The following ENO4 variants were observed in gnomAD, a reference collection of about 807,000 sequenced individuals.
ENO4 encodes 2-phospho-D-glycerate hydro-lyase.
ENO4 carries 53 observed loss-of-function variants against 63.2 expected under a neutral mutation model. The observed-to-expected ratio is 0.84, with a 90% CI of 0.67 to 1.05. The LOEUF (loss-of-function observed/expected upper bound fraction) is 1.05. ENO4 is among the 50% of genes least tolerant of loss of function. The pLI is 0.00. For synonymous variants in ENO4, 266 were observed against 283.8 expected, an observed-to-expected ratio of 0.94 and a Z score of 0.63; for missense variants, 719 against 772.0, an observed-to-expected ratio of 0.93 and a Z score of 0.81.
At chr10:116,886,594 A>T, downstream of ENO4, 2 of 1,610,298 alleles carry the variant, frequency 1.2e-6, no homozygotes, top group Non-Finnish European at 1.7e-6. Flanking sequence ...AGACAAAAAA[A>T]GTAAAAAGCA....
At chr10:116,901,286 T>G in intron 10 of ENO4, 1 of 985,356 alleles carries the variant, frequency 1.0e-6, no homozygotes, top group Non-Finnish European at 1.2e-6. Context: ...CAGATAACTC[T>G]TTACATAGTA....
chr10:116,894,657 T>C (rs1405983163), intron 10 of ENO4, among the ~76,000 whole-genome samples: 3 of 152,198 alleles, frequency 2.0e-5, no homozygotes, highest in Non-Finnish European at 4.4e-5. Flanking sequence ...TTCTCCCTTT[T>C]GAAGTAAGGT....
intron 11 of ENO4, among the ~76,000 whole-genome samples, chr10:116,878,920 T>C (rs1021283399): frequency 1.3e-5 from 2 of 151,962 alleles, no homozygotes; most frequent in African/African-American, 4.8e-5. Flanking sequence ...ATTTTTTGTA[T>C]TTTTAGTAGA....
intron 10 of ENO4, chr10:116,906,594 G>A: frequency 6.3e-7 from 1 of 1,580,842 alleles, no homozygotes; most frequent in South Asian, 1.2e-5. Context: ...CAGAGATGAA[G>A]AGAAGGACTG....
chr10:116,896,973 A>C (rs1847545182), intron 10 of ENO4, among the ~76,000 whole-genome samples: 1 of 151,840 alleles, frequency 6.6e-6, no homozygotes, highest in Non-Finnish European at 1.5e-5. Context: ...CACCCAACTA[A>C]TTTTTGTATT....
intron 6 of ENO4, 61 bp from the exon 7 acceptor site, chr10:116,862,738 G>A (rs1846448569): frequency 1.5e-6 from 2 of 1,307,806 alleles, no homozygotes; most frequent in Admixed American, 2.0e-5. Flanking sequence ...CGTGTTATAA[G>A]TTTTTATACT....
chr10:116,909,387 A>G (rs1848101430), intron 10 of ENO4, among the ~76,000 whole-genome samples: 1 of 152,178 alleles, frequency 6.6e-6, no homozygotes. Context: ...CCATAATACA[A>G]TTTTTTAAAA....
At chr10:116,884,375 T>C (rs1422836221), downstream of ENO4, 7 of 411,042 alleles carry the variant, frequency 1.7e-5, no homozygotes, top group Non-Finnish European at 3.5e-5. Context: ...CAAATTAATT[T>C]AAAATGCTTT....
chr10:116,901,725 T>C, intron 10 of ENO4: 1 of 1,480,262 alleles, frequency 6.8e-7, no homozygotes, highest in South Asian at 1.4e-5. Flanking sequence ...TCATTACAGA[T>C]TCTTCTATAC....
chr10:116,849,807 C>T (rs1846011286), intron 1 of ENO4, 76 bp downstream of exon 1: 3 of 1,411,242 alleles, frequency 2.1e-6, no homozygotes, highest in East Asian at 5.1e-5. Context: ...CGCCTTGCGC[C>T]TGCGCCTGCG....
At chr10:116,900,340 C>T (rs1847687311) in intron 10 of ENO4, 1 of 582,064 alleles carries the variant, frequency 1.7e-6, no homozygotes, top group Admixed American at 3.0e-5. Flanking sequence ...AATTGAGCTT[C>T]ACATCTGCCT....
downstream of ENO4, chr10:116,884,799 T>A (rs1047930561): frequency 1.9e-5 from 3 of 156,368 alleles, no homozygotes; most frequent in Admixed American, 1.8e-4. Flanking sequence ...TGACCCTTAA[T>A]GGGAAACTAT....
chr10:116,886,220 A>G, downstream of ENO4: 1 of 1,348,322 alleles, frequency 7.4e-7, no homozygotes, highest in Non-Finnish European at 1.0e-6. Context: ...TGACACCAGA[A>G]AAGAACCTGT....
At chr10:116,866,948 A>G (rs1444566012) in intron 7 of ENO4, among the ~76,000 whole-genome samples, 1 of 152,198 alleles carries the variant, frequency 6.6e-6, no homozygotes, top group Non-Finnish European at 1.5e-5. Flanking sequence ...GATCATTCCC[A>G]ACATTACCGC....
chr10:116,858,943 A>G, intron 3 of ENO4, 47 bp from the exon 4 acceptor site: 1 of 1,302,894 alleles, frequency 7.7e-7, no homozygotes, highest in Non-Finnish European at 1.1e-6. Flanking sequence ...TCACAGAGTG[A>G]TATTCCTAAA....
intron 1 of ENO4, among the ~76,000 whole-genome samples, chr10:116,854,150 A>C (rs1846178678): frequency 6.6e-6 from 1 of 152,148 alleles, no homozygotes; most frequent in African/African-American, 2.4e-5. Context: ...GCAATTACTA[A>C]GGCTCCCAAC....
chr10:116,885,512 C>A (rs549357754), downstream of ENO4: 1 of 152,528 alleles, frequency 6.6e-6, no homozygotes, highest in Admixed American at 6.6e-5. Context: ...AAAATGTGTG[C>A]TTGTCACTTA....
At chr10:116,854,940 C>CAG (rs1846212167) in intron 1 of ENO4, among the ~76,000 whole-genome samples, 1 of 41,524 alleles carries the variant, frequency 2.4e-5, no homozygotes, top group African/African-American at 1.2e-4. Flanking sequence ...GACCCTGTCT[C>CAG]AAAAAAAAAA....
At chr10:116,904,024 G>A (rs976762645) in intron 10 of ENO4, among the ~76,000 whole-genome samples, 1 of 152,112 alleles carries the variant, frequency 6.6e-6, no homozygotes, top group Non-Finnish European at 1.5e-5. Context: ...TAAGGAAAAG[G>A]GTACAACATC....
Sources: gnomAD v4.1 joint callset for allele counts (sites outside exome capture counted in the v4.1 genomes callset) on GRCh38, gnomAD v4.1.1 for gene constraint, MANE v1.5 for transcripts, NCBI Gene and HGNC (gene_info 2026-07-23, HGNC 2026-07-21) for gene names.